SNX2: variants seen among roughly 807,000 people sequenced by gnomAD.
The protein encoded by SNX2 is sorting nexin 2.
In SNX2, 25 loss-of-function variants were observed where a neutral mutation model predicts 69.9. That is an observed-to-expected ratio of 0.36 (90% CI 0.26 to 0.50). The LOEUF is 0.50. Among genes scored for constraint, SNX2 ranks in the 20% least tolerant of loss-of-function variants. The probability of loss-of-function intolerance (pLI) is 0.97; values close to 1 mark genes in which losing one functional copy is unlikely to be tolerated. For missense variants in SNX2, 551 were observed against 613.3 expected, an observed-to-expected ratio of 0.90 and a Z score of 1.07; for synonymous variants, 229 against 200.4, an observed-to-expected ratio of 1.14 and a Z score of -1.20.
intron 7 of SNX2, among the ~76,000 whole-genome samples, chr5:122,813,931 C>T (rs1248895018): frequency 6.6e-6 from 1 of 151,768 alleles, no homozygotes; most frequent in Non-Finnish European, 1.5e-5. Context: ...ATGCCACCAC[C>T]CCCAGCTAAT....
At position 122,830,733 on chromosome 5, in the gene SNX2, G is replaced by T. The variant is rs1296977570; in HGVS notation, c.*1085G>T. On this transcript the variant is annotated 3_prime_UTR_variant, in exon 15 of 15. Coordinates refer to ENST00000379516, the MANE Select transcript of SNX2 (RefSeq NM_003100.4). ...TGATGAAAATTTAAGTCATGGCTGG[G>T]TGTGGTGGCTCACGCCTGTAATCCT... is the stretch of plus-strand genomic sequence containing the variant. Among the ~76,000 whole-genome samples the T allele has an allele frequency of 6.6e-6, 1 of 152,128 alleles. No individual in the cohort carries two copies. Among genetic ancestry groups the T allele is most frequent in the African/African-American group, 2.4e-5 (1 of 41,428 alleles).
At chr5:122,792,756 T>C (rs530840011) in intron 1 of SNX2, among the ~76,000 whole-genome samples, 1 of 152,292 alleles carries the variant, frequency 6.6e-6, no homozygotes, top group Admixed American at 6.5e-5. Context: ...ACAAAGAATT[T>C]TTATCCAGAA....
At chr5:122,829,441 G>T (rs1431472701) in intron 14 of SNX2, among the ~76,000 whole-genome samples, 157 bp from the exon 15 acceptor site, 1 of 151,970 alleles carries the variant, frequency 6.6e-6, no homozygotes, top group East Asian at 1.9e-4. Flanking sequence ...CTGACATCAG[G>T]TGATCCACCC....
rs770136590 is a variant in SNX2, at chr5:122,795,300, C to T, written c.143C>T (p.Pro48Leu). ...SPSSPEPASL[P>L]AEDISANSNG... ...TCATCTCCAGAACCAGCTAGTCTTC[C>T]TGCAGAAGATATTAGTGCAAACTCC... The change falls in exon 2 of 15, where the codon CCT becomes CTT. Residue 48 changes from proline to leucine, a missense_variant. Transcript: ENST00000379516. The T allele has an allele frequency of 5.6e-6, 9 of 1,613,378 alleles. No individual in the cohort carries two copies. The African/African-American group carries it at 1.1e-4, about 19-fold the overall frequency.
chr5:122,775,074 C>T (rs369784618), upstream of SNX2: 12 of 1,560,924 alleles, frequency 7.7e-6, no homozygotes, highest in African/African-American at 1.1e-4. Context: ...CCGCGAGGCC[C>T]AGCTCGCGCA....
At chr5:122,789,512 C>T (rs867038325) in intron 1 of SNX2, among the ~76,000 whole-genome samples, 1 of 151,302 alleles carries the variant, frequency 6.6e-6, no homozygotes, top group Non-Finnish European at 1.5e-5. Context: ...CACTCTTCCT[C>T]TAGCCCGAAA....
intron 6 of SNX2, 27 bp from the exon 7 acceptor site, chr5:122,808,250 C>G (rs754337384): frequency 3.5e-6 from 5 of 1,416,352 alleles, no homozygotes; most frequent in Non-Finnish European, 3.9e-6. Context: ...ATAAAGTCAT[C>G]ATGAATCTCA....
intron 14 of SNX2, 100 bp from the exon 15 acceptor site, chr5:122,829,498 C>A (rs1754231895): frequency 2.2e-6 from 2 of 896,674 alleles, no homozygotes; most frequent in Non-Finnish European, 1.8e-6. Context: ...AGCTACCCAG[C>A]CCGGCTTATG....
At chr5:122,827,325 CA>C in intron 12 of SNX2, 53 bp from the exon 13 acceptor site, 1 of 1,431,954 alleles carries the variant, frequency 7.0e-7, no homozygotes, top group Non-Finnish European at 9.8e-7. Flanking sequence ...GTGGTCTTGA[CA>C]GTACTATACT....
chr5:122,775,032 C>G (rs1752821760), upstream of SNX2: 2 of 1,398,636 alleles, frequency 1.4e-6, no homozygotes, highest in Non-Finnish European at 1.9e-6. Context: ...CGGGTCGGCG[C>G]GGGCCCAGCC....
chr5:122,793,189 A>G (rs1378574460), intron 1 of SNX2, among the ~76,000 whole-genome samples: 2 of 152,216 alleles, frequency 1.3e-5, no homozygotes, highest in African/African-American at 4.8e-5. Context: ...AGCACTATTG[A>G]TAGTATTAAT....
rs1378886176 is a variant in SNX2, at chr5:122,833,471, T to TAC, written c.*3824_*3825insCA. On this transcript the variant is annotated 3_prime_UTR_variant, in exon 15 of 15. Coordinates refer to ENST00000379516, the MANE Select transcript of SNX2 (RefSeq NM_003100.4). ...AGCTCCAAAATATTATTTTAATATG[T>TAC]AATCCAATATATTGAAGTTATAAGA... is the stretch of plus-strand genomic sequence containing the variant. 6.6e-6 allele frequency: 1 copy of TAC among 152,146 alleles called. No homozygotes were observed. The highest frequency in any genetic ancestry group is 1.5e-5 in the Non-Finnish European group (1 of 68,024). 9.4% of individuals were successfully genotyped at this position (152,146 alleles called of 1,614,324 possible).
Position 122,795,505 on chromosome 5 carries a change from C to G in SNX2, c.226+122C>G, listed in dbSNP as rs372904542. On this transcript the variant is annotated intron_variant, in intron 2 of 14. Transcript: ENST00000379516. ...GTGTTAGTGGCAGCTCTTGTAACAACTTAGAAGGATGGGGAATTTCCAGTC... is the reference window on the plus strand; with the variant it reads ...GTGTTAGTGGCAGCTCTTGTAACAAGTTAGAAGGATGGGGAATTTCCAGTC... 9.4e-5 allele frequency: 62 copies of G among 656,916 alleles called. 3 individuals carry two copies. Among genetic ancestry groups the G allele is most frequent in the South Asian group, 2.6e-4 (13 of 49,884 alleles). The allele number at this position is 656,916 out of a possible 1,614,324, so 40.7% of individuals were successfully genotyped here.
At position 122,790,122 on chromosome 5, in the gene SNX2, C is replaced by A. The variant is rs562378050; in HGVS notation, c.109-5144C>A. On this transcript the variant is annotated intron_variant, in intron 1 of 14. Coordinates refer to ENST00000379516, the MANE Select transcript of SNX2 (RefSeq NM_003100.4). ...CAGTCATCTGACAGCTGAGGAGGAT[C>A]CACTTTTTCTTTTTCTCAAAGAGTC... is the stretch of plus-strand genomic sequence containing the variant. Among the ~76,000 whole-genome samples, 4 of 152,176 alleles carry A rather than the reference C, an allele frequency of 2.6e-5. No homozygotes were observed. The East Asian group carries it at 7.7e-4, about 29-fold the overall frequency.
intron 14 of SNX2, among the ~76,000 whole-genome samples, chr5:122,828,861 G>A (rs1481759096): frequency 1.3e-5 from 2 of 152,162 alleles, no homozygotes; most frequent in African/African-American, 4.8e-5. Flanking sequence ...GCTCATGCCT[G>A]TAATCTCAGC....
chr5:122,820,952 T>C (rs1754010219), intron 11 of SNX2, among the ~76,000 whole-genome samples: 1 of 152,168 alleles, frequency 6.6e-6, no homozygotes, highest in African/African-American at 2.4e-5. Flanking sequence ...AAATACTGAA[T>C]TAATGATTCA....
chr5:122,777,112 A>G (rs1001730375), intron 1 of SNX2, among the ~76,000 whole-genome samples: 4 of 152,164 alleles, frequency 2.6e-5, no homozygotes, highest in Non-Finnish European at 5.9e-5. Context: ...CTTTAAAGGA[A>G]TGTTCTTTCA....
intron 1 of SNX2, among the ~76,000 whole-genome samples, chr5:122,793,275 T>C (rs1233063650): frequency 1.3e-5 from 2 of 152,168 alleles, no homozygotes; most frequent in Non-Finnish European, 2.9e-5. Context: ...CAATGAAATA[T>C]TATACACTTA....
chr5:122,785,439 C>T (rs1753064711), intron 1 of SNX2, among the ~76,000 whole-genome samples: 1 of 151,990 alleles, frequency 6.6e-6, no homozygotes, highest in Non-Finnish European at 1.5e-5. Context: ...TGAGCCACTG[C>T]ACCGAGCCTG....
Sources: allele counts gnomAD v4.1 joint callset (sites outside exome capture counted in the v4.1 genomes callset), GRCh38; gene constraint gnomAD v4.1.1; transcripts MANE v1.5; gene names NCBI Gene and HGNC (gene_info 2026-07-23, HGNC 2026-07-21).